Variants in SEL1L3 observed in about 807,000 individuals in gnomAD.
SEL1L3 encodes the protein SEL1L family member 3.
SEL1L3 carries 76 observed loss-of-function variants against 142.8 expected under a neutral mutation model. The ratio of observed to expected loss-of-function variants is 0.53; its 90% confidence interval spans 0.44 to 0.64. The LOEUF is 0.64. Ranked by LOEUF, SEL1L3 falls within the 30% of genes least tolerant of loss-of-function variation. The pLI, the probability that SEL1L3 is intolerant of heterozygous loss-of-function variation, is 0.00. For missense variants in SEL1L3, 1,262 were observed against 1,381.7 expected (o/e 0.91, Z 1.37); for synonymous variants, 504 against 519.6 (o/e 0.97, Z 0.41).
At chr4:25,737,380 C>G in the SEL1L3 span, among the ~76,000 whole-genome samples, 1 of 152,248 alleles carries the variant, frequency 6.6e-6, no homozygotes, top group South Asian at 2.1e-4. Flanking sequence ...TATCCTGAAG[C>G]CTTTTTTCTT....
intron 23 of SEL1L3, chr4:25,755,974 T>C (rs1717928701): frequency 2.0e-6 from 2 of 985,416 alleles, no homozygotes; most frequent in Middle Eastern, 5.2e-4. Flanking sequence ...CAGCAGACTA[T>C]GGGGCATCAA....
Position 25,747,632 on chromosome 4 carries a change from G to A in SEL1L3, c.*793C>T, listed in dbSNP as rs1717324399. 1 of 151,950 alleles carries A rather than the reference G, an allele frequency of 6.6e-6. No individual in the cohort carries two copies. Among genetic ancestry groups the A allele is most frequent in the African/African-American group, 2.4e-5 (1 of 41,334 alleles). The allele number at this position is 151,950 out of a possible 1,614,324, so 9.4% of individuals were successfully genotyped here. On this transcript the variant is annotated 3_prime_UTR_variant, in exon 24 of 24. Coordinates refer to ENST00000399878, the MANE Select transcript of SEL1L3 (RefSeq NM_015187.5). ...TCCCTGTACAGACTCACGCAGGCAT[G>A]AGGGGTAGGGATGAAACTATAAGCT...
chr4:25,855,637 G>A (rs970221878), intron 1 of SEL1L3, among the ~76,000 whole-genome samples: 6 of 152,088 alleles, frequency 3.9e-5, no homozygotes, highest in Non-Finnish European at 5.9e-5. Flanking sequence ...GGCGGGCACC[G>A]GTAATCCCAG....
intron 10 of SEL1L3, 50 bp from the exon 11 acceptor site, chr4:25,802,512 T>C (rs776625176): frequency 5.4e-6 from 8 of 1,490,274 alleles, no homozygotes; most frequent in Middle Eastern, 1.8e-4. Flanking sequence ...GATAGGGTCA[T>C]AAAATCCTAA....
At chr4:25,795,214 T>C (rs1712638353) in intron 11 of SEL1L3, among the ~76,000 whole-genome samples, 1 of 152,170 alleles carries the variant, frequency 6.6e-6, no homozygotes, top group Admixed American at 6.5e-5. Context: ...TAAAATATAA[T>C]ATTTCTTTTA....
chr4:25,811,812 T>C (rs931594472), intron 9 of SEL1L3, among the ~76,000 whole-genome samples: 1 of 151,580 alleles, frequency 6.6e-6, no homozygotes, highest in African/African-American at 2.4e-5. Flanking sequence ...TGAGGTATAA[T>C]TTATTTTTGT....
chr4:25,821,453 A>C (rs73260009), intron 7 of SEL1L3, among the ~76,000 whole-genome samples: 1,602 of 152,348 alleles, frequency 0.011, 16 homozygotes, highest in Middle Eastern at 0.041. Flanking sequence ...AGCGTTGGAC[A>C]GTTCCATTCG....
intron 2 of SEL1L3, among the ~76,000 whole-genome samples, chr4:25,843,165 A>G (rs572566566): frequency 6.6e-6 from 1 of 152,112 alleles, no homozygotes; most frequent in Admixed American, 6.5e-5. Flanking sequence ...ACAGGGACAG[A>G]TTCCCACAGA....
chr4:25,844,632 T>C, intron 2 of SEL1L3, among the ~76,000 whole-genome samples: 1 of 152,256 alleles, frequency 6.6e-6, no homozygotes, highest in East Asian at 1.9e-4. Flanking sequence ...ATTTGGAAAC[T>C]TCCAGCTTGC....
intron 1 of SEL1L3, among the ~76,000 whole-genome samples, chr4:25,853,236 G>C (rs533799671): frequency 3.3e-5 from 5 of 152,164 alleles, no homozygotes; most frequent in African/African-American, 1.2e-4. Flanking sequence ...GTAAGGCCCT[G>C]TCCCCTCCAA....
chr4:25,804,421 A>G, intron 10 of SEL1L3, 120 bp downstream of exon 10: 1 of 727,820 alleles, frequency 1.4e-6, no homozygotes. Flanking sequence ...TCTTGAGTGT[A>G]AAGATTTTTA....
intron 2 of SEL1L3, among the ~76,000 whole-genome samples, chr4:25,845,214 A>G (rs1463920197): frequency 1.3e-5 from 2 of 152,206 alleles, no homozygotes; most frequent in Non-Finnish European, 2.9e-5. Flanking sequence ...CTTTCTGTGA[A>G]TCTATACTTA....
At chr4:25,769,151 G>C (rs1718975341) in intron 17 of SEL1L3, among the ~76,000 whole-genome samples, 1 of 152,120 alleles carries the variant, frequency 6.6e-6, no homozygotes, top group Admixed American at 6.5e-5. Flanking sequence ...GCTCCACCTA[G>C]GAACTGGTTT....
chr4:25,758,265 G>T (rs1056355217), intron 21 of SEL1L3, among the ~76,000 whole-genome samples: 1 of 152,112 alleles, frequency 6.6e-6, no homozygotes, highest in Non-Finnish European at 1.5e-5. Context: ...GAGGCCAGGA[G>T]TTCGAGACCA....
intron 6 of SEL1L3, among the ~76,000 whole-genome samples, chr4:25,825,159 A>G (rs1715009984): frequency 6.6e-6 from 1 of 152,222 alleles, no homozygotes. Context: ...TTTTCAACAA[A>G]AAACAAATTA....
At chr4:25,856,625 G>A (rs1717287264) in intron 1 of SEL1L3, among the ~76,000 whole-genome samples, 1 of 151,156 alleles carries the variant, frequency 6.6e-6, no homozygotes, top group African/African-American at 2.4e-5. Context: ...AAAGAAATGG[G>A]CCAGTTAATG....
At chr4:25,840,067 C>G (rs537403458) in intron 2 of SEL1L3, among the ~76,000 whole-genome samples, 1 of 152,210 alleles carries the variant, frequency 6.6e-6, no homozygotes, top group East Asian at 1.9e-4. Flanking sequence ...TCAAAAGAAT[C>G]AGGAAGTCTG....
At chr4:25,825,077 T>C (rs1715005559) in intron 6 of SEL1L3, among the ~76,000 whole-genome samples, 1 of 152,188 alleles carries the variant, frequency 6.6e-6, no homozygotes, top group African/African-American at 2.4e-5. Context: ...AATATATACA[T>C]ATATATGTTT....
chr4:25,801,264 A>G (rs1389576307), intron 11 of SEL1L3, among the ~76,000 whole-genome samples: 1 of 152,228 alleles, frequency 6.6e-6, no homozygotes, highest in African/African-American at 2.4e-5. Flanking sequence ...TTAGCTGGGC[A>G]TGGTGGCACA....
Sources: gnomAD v4.1 joint callset for allele counts (sites outside exome capture counted in the v4.1 genomes callset) on GRCh38, gnomAD v4.1.1 for gene constraint, MANE v1.5 for transcripts, NCBI Gene and HGNC (gene_info 2026-07-23, HGNC 2026-07-21) for gene names.